The following TULP4 variants were observed in gnomAD, a reference collection of about 807,000 sequenced individuals.
The protein encoded by TULP4 is tubby-related protein 4.
Under a neutral mutation model 129.0 loss-of-function variants are expected in TULP4, and 16 were observed. The ratio of observed to expected loss-of-function variants is 0.12; its 90% CI spans 0.08 to 0.19. The LOEUF (loss-of-function observed/expected upper bound fraction) is 0.19. Among genes scored for constraint, TULP4 ranks in the 10% least tolerant of loss-of-function variants. The probability of loss-of-function intolerance (pLI) is 1.00; values close to 1 mark genes in which losing one functional copy is unlikely to be tolerated. For synonymous variants in TULP4, 998 were observed against 854.0 expected (o/e 1.17, Z -2.94); for missense variants, 1,842 against 2,059.1 (o/e 0.89, Z 2.04).
chr6:158,468,494 C>T (rs1411994539), intron 6 of TULP4, among the ~76,000 whole-genome samples: 1 of 152,104 alleles, frequency 6.6e-6, no homozygotes, highest in Non-Finnish European at 1.5e-5. Context: ...ACTTATTTGC[C>T]ATTTATATTA....
chr6:158,456,602 G>A (rs648908), intron 5 of TULP4, among the ~76,000 whole-genome samples: 62,966 of 151,982 alleles, frequency 0.41, 14,039 homozygotes, highest in African/African-American at 0.6. Flanking sequence ...GGGAGGCTGC[G>A]GTGGGTGTAT....
rs1283577627 is a variant in TULP4, at chr6:158,503,859, C to T, written c.4196C>T (p.Thr1399Ile). 6.2e-7 allele frequency: 1 copy of T among 1,614,096 alleles called. No individual in the cohort carries two copies. The highest frequency in any genetic ancestry group is 1.7e-5 in the Admixed American group (1 of 60,026). ...DQLKSKKLNK[T>I]NEFQDSSESE... Reference sequence around the variant, plus strand: ...CTGAAGTCAAAGAAGTTGAATAAGACAAACGAGTTCCAGGACAGCTCCGAG... The same window carrying T: ...CTGAAGTCAAAGAAGTTGAATAAGATAAACGAGTTCCAGGACAGCTCCGAG... The change falls in exon 13 of 14, where the codon ACA becomes ATA. Residue 1399 changes from threonine to isoleucine, a missense_variant. Transcript: ENST00000367097. The surrounding 1 kb of genome is among the most constrained non-coding windows in gnomAD (Gnocchi z 4.3).
intron 11 of TULP4, 30 bp downstream of exon 11, chr6:158,494,876 C>T: frequency 6.3e-7 from 1 of 1,593,470 alleles, no homozygotes; most frequent in Non-Finnish European, 8.6e-7. Context: ...CTCTCATTGT[C>T]CCAGTTGGAA....
At chr6:158,275,431 G>A (rs1465910046) in intron 1 of TULP4, among the ~76,000 whole-genome samples, 1 of 152,160 alleles carries the variant, frequency 6.6e-6, no homozygotes, top group African/African-American at 2.4e-5. Context: ...ATGGGAGATG[G>A]TAATCTTCAA....
rs1414312387 is a variant in TULP4 at position 158,237,966 on chromosome 6, C to T, written n.68+5663C>T. ...TTGCCTCCTCCCGCCCATATTTGAGCTTGAAGTTTGCAGCTTCTTTTATCA... is the reference window on the plus strand; with the variant it reads ...TTGCCTCCTCCCGCCCATATTTGAGTTTGAAGTTTGCAGCTTCTTTTATCA... On this transcript the variant is annotated intron_variant and non_coding_transcript_variant, in intron 1 of 1. Coordinates refer to the TULP4 transcript ENST00000620026. 6 of 728,666 alleles carry T rather than the reference C, an allele frequency of 8.2e-6. 1 individual carries two copies. Among genetic ancestry groups the T allele is most frequent in the Non-Finnish European group, 1.5e-5 (6 of 392,432 alleles). 45.1% of individuals were successfully genotyped at this position (728,666 alleles called of 1,614,324 possible). A position where few individuals can be genotyped will look rare whatever the true frequency, so the allele number is the denominator to read the frequency against.
intron 3 of TULP4, among the ~76,000 whole-genome samples, chr6:158,447,525 C>T (rs1298481314): frequency 6.6e-6 from 1 of 152,182 alleles, no homozygotes; most frequent in African/African-American, 2.4e-5. Context: ...CAGGCAGTCT[C>T]TTAGTCATCA....
At chr6:158,310,462 A>C (rs1222504700), upstream of TULP4, 1 of 152,022 alleles carries the variant, frequency 6.6e-6, no homozygotes, top group Non-Finnish European at 1.5e-5. Context: ...TTGGGATTAC[A>C]GGTGCCCACC....
intron 10 of TULP4, among the ~76,000 whole-genome samples, chr6:158,494,109 C>T (rs964509995): frequency 1.1e-4 from 16 of 152,216 alleles, no homozygotes; most frequent in African/African-American, 3.9e-4. Flanking sequence ...CTCCTCGTTT[C>T]TGCCCCATGC....
chr6:158,416,992 T>A (rs560704099), intron 2 of TULP4, among the ~76,000 whole-genome samples: 111 of 152,312 alleles, frequency 7.3e-4, no homozygotes, highest in Non-Finnish European at 1.1e-3. Context: ...ACAGCCTAGG[T>A]GTGGAGCAGG....
intron 1 of TULP4, among the ~76,000 whole-genome samples, chr6:158,409,895 G>A (rs944549803): frequency 7.3e-5 from 11 of 151,428 alleles, no homozygotes; most frequent in Admixed American, 3.9e-4. Context: ...TTGCTCTGTC[G>A]CCCAGGCTGG....
chr6:158,441,305 C>T, intron 3 of TULP4, among the ~76,000 whole-genome samples: 1 of 152,070 alleles, frequency 6.6e-6, no homozygotes, highest in Non-Finnish European at 1.5e-5. Flanking sequence ...AAGAGTGAAA[C>T]TCTATCTAAA....
chr6:158,489,894 G>A (rs1780160931), intron 9 of TULP4, among the ~76,000 whole-genome samples, 162 bp downstream of exon 9: 1 of 152,172 alleles, frequency 6.6e-6, no homozygotes, highest in African/African-American at 2.4e-5. Context: ...ACTTCTATTT[G>A]TTTTGTTTTG....
At position 158,501,676 on chromosome 6, in the gene TULP4, A is replaced by G; in HGVS notation, c.2015-2A>G. 1 of 1,601,660 alleles carries G rather than the reference A, an allele frequency of 6.2e-7. No individual in the cohort carries two copies. The highest frequency in any genetic ancestry group is 1.1e-5 in the South Asian group (1 of 90,712). The stretch of plus-strand genomic sequence containing the variant: ...CAGTTCCTTTTTCTAATTTTCTTCC[A>G]GTGACAGGAGCATCTGGTGTCCCTG... On this transcript the variant is annotated splice_acceptor_variant, in intron 12 of 13. Transcript: ENST00000367097. LOFTEE classifies it high-confidence loss of function.
rs1420661565 is a variant in TULP4, at chr6:158,240,322, G to T, written n.68+8019G>T. On this transcript the variant is annotated intron_variant and non_coding_transcript_variant, in intron 1 of 1. Transcript: ENST00000620026. ...CAGAGGCGCCCCTCACCTCCCGGAC[G>T]GGGCGGCTGGCCGGGCGGGGGGCTG... Among the ~76,000 whole-genome samples, 26 of 84,130 alleles carry T rather than the reference G, an allele frequency of 3.1e-4. 1 individual carries two copies. The highest frequency in any genetic ancestry group is 5.2e-5 in the Non-Finnish European group (2 of 38,632). 55.2% of individuals were successfully genotyped at this position (84,130 alleles called of 152,430 possible). A position where few individuals can be genotyped will look rare whatever the true frequency, so the allele number is the denominator to read the frequency against.
intron 1 of TULP4, among the ~76,000 whole-genome samples, chr6:158,305,965 G>T (rs1779211274): frequency 6.6e-6 from 1 of 152,138 alleles, no homozygotes; most frequent in African/African-American, 2.4e-5. Flanking sequence ...GAAGTGAAAT[G>T]CCCAACACCA....
chr6:158,352,522 G>A (rs1276752962), intron 1 of TULP4, among the ~76,000 whole-genome samples: 2 of 152,082 alleles, frequency 1.3e-5, no homozygotes, highest in Admixed American at 1.3e-4. Context: ...TCAGCCTCCC[G>A]AGTACCTGGG....
chr6:158,405,809 T>C (rs1183946201), intron 1 of TULP4, among the ~76,000 whole-genome samples: 1 of 152,204 alleles, frequency 6.6e-6, no homozygotes. Flanking sequence ...TCTTTTACAT[T>C]ATGTCAGACG....
Position 158,502,906 on chromosome 6 carries a change from C to T in TULP4, c.3243C>T (p.Thr1081=), listed in dbSNP as rs779035354. 5.6e-5 allele frequency: 90 copies of T among 1,613,924 alleles called. No individual in the cohort carries two copies. The highest frequency in any genetic ancestry group is 2.1e-4 in the South Asian group (19 of 91,076). Residue 1081 remains threonine (T), a synonymous_variant, in exon 13 of 14, where the codon ACC becomes ACT. Coordinates refer to ENST00000367097, the MANE Select transcript of TULP4 (RefSeq NM_020245.5). ...CACCCGACAGCGCCCGCGACCGCACCGACTACGTCAACTCGGCCTTCACGG... is the reference window on the plus strand; with the variant it reads ...CACCCGACAGCGCCCGCGACCGCACTGACTACGTCAACTCGGCCTTCACGG... ...LSPPDSARDR[T]DYVNSAFTED...
intron 1 of TULP4, among the ~76,000 whole-genome samples, chr6:158,236,768 C>T (rs182477429): frequency 1.6e-4 from 23 of 140,454 alleles, no homozygotes; most frequent in African/African-American, 5.9e-4. Context: ...CAACAGATAC[C>T]AAGATGGGTA....
Sources: gnomAD v4.1 joint callset for allele counts (sites outside exome capture counted in the v4.1 genomes callset) on GRCh38, gnomAD v4.1.1 for gene constraint, Gnocchi (gnomAD v3.1) non-coding constraint, MANE v1.5 for transcripts, NCBI Gene and HGNC (gene_info 2026-07-23, HGNC 2026-07-21) for gene names.